SLC2A9: variants seen among roughly 807,000 people sequenced by gnomAD.
The protein encoded by SLC2A9 is solute carrier family 2 member 9, also known as solute carrier family 2, facilitated glucose transporter member 9.
A neutral mutation model predicts 50.6 loss-of-function variants in SLC2A9; 39 were observed. That is an observed-to-expected ratio of 0.77 (90% CI 0.60 to 1.01). The LOEUF is 1.01. SLC2A9 is among the 50% of genes least tolerant of loss of function. SLC2A9 has a pLI of 0.00. For synonymous variants in SLC2A9, 324 were observed against 276.9 expected, an observed-to-expected ratio of 1.17 and a Z score of -1.69; for missense variants, 686 against 677.6, an observed-to-expected ratio of 1.01 and a Z score of -0.14.
intron 8 of SLC2A9, among the ~76,000 whole-genome samples, chr4:9,901,520 G>T (rs1739609089): frequency 6.6e-6 from 1 of 152,104 alleles, no homozygotes; most frequent in South Asian, 2.1e-4. Flanking sequence ...CAGTCAGAGG[G>T]ATTTAAAGCA....
chr4:9,774,983 A>T (rs1288726133), downstream of SLC2A9, among the ~76,000 whole-genome samples: 1 of 152,168 alleles, frequency 6.6e-6, no homozygotes, highest in African/African-American at 2.4e-5. Flanking sequence ...AATCCAGGCC[A>T]GAACTCCATC....
At chr4:10,035,733 C>G (rs1447689739) in intron 1 of SLC2A9, 1 of 152,228 alleles carries the variant, frequency 6.6e-6, no homozygotes, top group Non-Finnish European at 1.5e-5. Context: ...GACTGGTGGT[C>G]TAGATCAAAC....
At chr4:9,964,928 T>C (rs1266837189) in intron 5 of SLC2A9, among the ~76,000 whole-genome samples, 5 of 152,082 alleles carry the variant, frequency 3.3e-5, no homozygotes, top group African/African-American at 9.7e-5. Context: ...GCTGCAGACA[T>C]TCGGAGTAAT....
intron 10 of SLC2A9, among the ~76,000 whole-genome samples, chr4:9,838,943 G>A (rs1727551456): frequency 1.3e-5 from 2 of 152,090 alleles, no homozygotes; most frequent in African/African-American, 4.8e-5. Context: ...ATAGGCACAG[G>A]CAAAGATTTC....
rs145772196 is a variant in SLC2A9, at chr4:9,993,899, G to C, written c.410+2882C>G. 7.8e-3 allele frequency among the ~76,000 whole-genome samples: 1,192 copies of C among 152,258 alleles called. 10 individuals are homozygous for C. Among genetic ancestry groups the C allele is most frequent in the Admixed American group, 0.018 (280 of 15,296 alleles). ...CCTTTGTCACCGAAATCACAAACGA[G>C]CTCAACATTCCCTAGCTAGGAACAG... On this transcript the variant is annotated intron_variant, in intron 3 of 11. Coordinates refer to ENST00000264784, the MANE Select transcript of SLC2A9 (RefSeq NM_020041.3).
At chr4:9,834,528 T>C (rs933957854) in intron 11 of SLC2A9, among the ~76,000 whole-genome samples, 1 of 152,192 alleles carries the variant, frequency 6.6e-6, no homozygotes, top group African/African-American at 2.4e-5. Flanking sequence ...TGGTTTGCAG[T>C]GTGCACTGGA....
chr4:10,038,840 C>G (rs1200001847), intron 1 of SLC2A9, among the ~76,000 whole-genome samples: 2 of 152,192 alleles, frequency 1.3e-5, no homozygotes, highest in Admixed American at 6.5e-5. Context: ...GTCCCTCAGT[C>G]ACTGTCAAAC....
At chr4:10,004,207 C>A (rs980370827) in intron 2 of SLC2A9, among the ~76,000 whole-genome samples, 30 of 152,210 alleles carry the variant, frequency 2.0e-4, no homozygotes, top group African/African-American at 6.8e-4. Context: ...TCTCATTCAA[C>A]CCTTGTAGCC....
intron 3 of SLC2A9, chr4:9,782,164 C>T (rs751702807): frequency 3.1e-5 from 50 of 1,591,310 alleles, no homozygotes; most frequent in South Asian, 9.2e-5. Flanking sequence ...TCACCGCCTG[C>T]CTGCTGACCC....
chr4:9,927,240 C>T lies in SLC2A9; in HGVS notation c.815-6668G>A, dbSNP rs888474669. Among the ~76,000 whole-genome samples the T allele has an allele frequency of 7.9e-5, 12 of 152,322 alleles. No homozygotes were observed. In the Middle Eastern group the frequency reaches 0.014, roughly 173 times the overall value. ...CCATGTTGGTCAGGCTGGTCTCGAA[C>T]TCCTGACCTCAGGTGATCCACCCGC... On this transcript the variant is annotated intron_variant, in intron 6 of 11. Coordinates refer to ENST00000264784, the MANE Select transcript of SLC2A9 (RefSeq NM_020041.3).
chr4:9,875,834 C>G (rs542979110), intron 10 of SLC2A9, among the ~76,000 whole-genome samples: 1 of 152,304 alleles, frequency 6.6e-6, no homozygotes, highest in East Asian at 1.9e-4. Flanking sequence ...GCTCCCAGGG[C>G]TGAAGGACTA....
chr4:9,958,521 T>G (rs1409830000), intron 5 of SLC2A9, among the ~76,000 whole-genome samples: 1 of 152,102 alleles, frequency 6.6e-6, no homozygotes, highest in East Asian at 1.9e-4. Context: ...GAAATAACAT[T>G]AGGAGAAATA....
Position 9,837,295 on chromosome 4 carries a change from T to G in SLC2A9, c.1292-2287A>C, listed in dbSNP as rs117606401. On this transcript the variant is annotated intron_variant, in intron 10 of 11. Transcript: ENST00000264784. ...AGGTATCTATTGAACTGTGTGAGAA[T>G]AATGGTTACACACTGAAATGTAATG... 3.9e-3 allele frequency among the ~76,000 whole-genome samples: 593 copies of G among 152,354 alleles called. 13 individuals carry two copies. Among genetic ancestry groups the G allele is most frequent in the East Asian group, 0.036 (186 of 5,190 alleles).
intron 3 of SLC2A9, among the ~76,000 whole-genome samples, chr4:9,801,128 GA>G (rs34817778): frequency 0.028 from 4,010 of 145,030 alleles, 176 homozygotes; most frequent in African/African-American, 0.093. Context: ...TTGTCAGGAG[GA>G]AAAAAAAAAA....
chr4:9,867,368 C>G (rs1445314568), intron 10 of SLC2A9, among the ~76,000 whole-genome samples: 1 of 152,234 alleles, frequency 6.6e-6, no homozygotes, highest in African/African-American at 2.4e-5. Context: ...GCTGAGGCGG[C>G]TGGAGTAGAA....
At chr4:9,880,546 A>G (rs1157137662) in intron 10 of SLC2A9, 3 of 920,142 alleles carry the variant, frequency 3.3e-6, no homozygotes, top group East Asian at 1.2e-4. Context: ...AGGGCTTAGG[A>G]AAAAAAAAAC....
intron 11 of SLC2A9, among the ~76,000 whole-genome samples, chr4:9,829,403 C>T (rs573320786): frequency 2.0e-5 from 3 of 150,790 alleles, no homozygotes; most frequent in Admixed American, 2.0e-4. Flanking sequence ...CTATAAAAAC[C>T]CTAGAAGAAA....
intron 3 of SLC2A9, among the ~76,000 whole-genome samples, chr4:9,793,072 C>A (rs1431151038): frequency 6.6e-6 from 1 of 152,072 alleles, no homozygotes; most frequent in Admixed American, 6.6e-5. Flanking sequence ...CGGGGTTTCT[C>A]CATGTTGGTC....
chr4:9,937,066 C>G (rs1747217116), intron 6 of SLC2A9, among the ~76,000 whole-genome samples: 1 of 152,158 alleles, frequency 6.6e-6, no homozygotes, highest in Non-Finnish European at 1.5e-5. Flanking sequence ...GCACAGAGAC[C>G]TCCAGCAATC....
Sources: allele counts gnomAD v4.1 joint callset (sites outside exome capture counted in the v4.1 genomes callset), GRCh38; gene constraint gnomAD v4.1.1; transcripts MANE v1.5; gene names NCBI Gene and HGNC (gene_info 2026-07-23, HGNC 2026-07-21).